The following KRABD2 variants were observed in gnomAD, a reference collection of about 807,000 sequenced individuals.
The protein encoded by KRABD2 is KRAB domain-containing protein 2.
the KRABD2 span, chr17:8,375,817 T>TCA: frequency 3.1e-6 from 3 of 969,210 alleles, no homozygotes; most frequent in Non-Finnish European, 4.0e-6. Flanking sequence ...CTTGGTGTGA[T>TCA]CTATGTGACG....
the KRABD2 span, chr17:8,369,849 GT>G: frequency 1.2e-6 from 2 of 1,614,192 alleles, no homozygotes; most frequent in South Asian, 2.2e-5. Context: ...GTCCTTAAAA[GT>G]CATGGGCTTT....
the KRABD2 span, among the ~76,000 whole-genome samples, chr17:8,360,771 A>G: frequency 6.6e-6 from 1 of 152,214 alleles, no homozygotes; most frequent in Non-Finnish European, 1.5e-5. Context: ...CAAACAAAAC[A>G]AAAAACCTTT....
the KRABD2 span, among the ~76,000 whole-genome samples, chr17:8,367,870 C>T: frequency 6.7e-6 from 1 of 150,364 alleles, no homozygotes; most frequent in South Asian, 2.1e-4. Context: ...ACCTTCCCTC[C>T]ACTATTGTCC....
the KRABD2 span, chr17:8,376,055 T>C: frequency 4.9e-5 from 60 of 1,231,664 alleles, no homozygotes; most frequent in East Asian, 3.2e-5. Context: ...CCACACTCAC[T>C]GGAGCACTTC....
At chr17:8,374,538 T>A in the KRABD2 span, among the ~76,000 whole-genome samples, 1 of 149,962 alleles carries the variant, frequency 6.7e-6, no homozygotes, top group Non-Finnish European at 1.5e-5. Context: ...CTTGTTCACA[T>A]GTTTATCTGC....
the KRABD2 span, among the ~76,000 whole-genome samples, chr17:8,374,043 G>T: frequency 6.0e-3 from 916 of 151,750 alleles, 12 homozygotes; most frequent in Middle Eastern, 0.031. Context: ...GGAGGGAGGT[G>T]GGGGGCAGCC....
At chr17:8,362,186 C>T in the KRABD2 span, among the ~76,000 whole-genome samples, 15 of 152,084 alleles carry the variant, frequency 9.9e-5, no homozygotes, top group South Asian at 6.2e-4. This position sits in a 1 kb window ranked among gnomAD's most constrained non-coding sequence, Gnocchi z 4.2. Context: ...ACAAAATAGC[C>T]GGGCGTGTTG....
chr17:8,373,376 G>A, the KRABD2 span: 17 of 162,990 alleles, frequency 1.0e-4, no homozygotes, highest in South Asian at 6.5e-4. Context: ...GGGTTTCGCC[G>A]TGTTGGCCGG....
chr17:8,364,732 T>TA, the KRABD2 span, among the ~76,000 whole-genome samples: 93 of 147,750 alleles, frequency 6.3e-4, no homozygotes, highest in Non-Finnish European at 9.8e-4. This position sits in a 1 kb window ranked among gnomAD's most constrained non-coding sequence, Gnocchi z 4.4. Flanking sequence ...GGCAATTAAT[T>TA]AAAAAAAAAA....
the KRABD2 span, chr17:8,370,388 T>C: frequency 6.5e-7 from 1 of 1,537,074 alleles, no homozygotes; most frequent in East Asian, 2.3e-5. Flanking sequence ...AGAAGGATCC[T>C]AAGAAAGGAA....
At chr17:8,370,760 C>T in the KRABD2 span, among the ~76,000 whole-genome samples, 1 of 152,164 alleles carries the variant, frequency 6.6e-6, no homozygotes, top group Non-Finnish European at 1.5e-5. Context: ...CCCTCAGTAC[C>T]CTTTAAAATA....
At chr17:8,371,647 C>T in the KRABD2 span, 3 of 1,417,658 alleles carry the variant, frequency 2.1e-6, no homozygotes, top group Non-Finnish European at 2.8e-6. Context: ...AGGAGTTTTG[C>T]TTTCCTGGGA....
the KRABD2 span, chr17:8,370,039 C>T: frequency 6.2e-7 from 1 of 1,614,156 alleles, no homozygotes; most frequent in Non-Finnish European, 8.5e-7. Flanking sequence ...TCAAACAACT[C>T]TTCCTTATGT....
At chr17:8,375,865 A>C in the KRABD2 span, 1 of 1,223,368 alleles carries the variant, frequency 8.2e-7, no homozygotes, top group Non-Finnish European at 1.0e-6. Context: ...AAAACTGGAA[A>C]TATTTCCAAA....
the KRABD2 span, chr17:8,371,628 A>G: frequency 7.0e-7 from 1 of 1,435,306 alleles, no homozygotes; most frequent in South Asian, 1.6e-5. Context: ...AGCTTCATGG[A>G]TGAGGGAAAG....
At chr17:8,369,555 T>C in the KRABD2 span, 2 of 1,614,104 alleles carry the variant, frequency 1.2e-6, no homozygotes, top group Non-Finnish European at 1.7e-6. Context: ...TTGGCCAGGG[T>C]GGTACTTACC....
At chr17:8,374,646 A>T in the KRABD2 span, among the ~76,000 whole-genome samples, 1 of 150,600 alleles carries the variant, frequency 6.6e-6, no homozygotes, top group Non-Finnish European at 1.5e-5. Flanking sequence ...AAAAAAAAAA[A>T]AAAAAAATTG....
chr17:8,360,964 C>T, the KRABD2 span, among the ~76,000 whole-genome samples: 1 of 152,090 alleles, frequency 6.6e-6, no homozygotes, highest in Non-Finnish European at 1.5e-5. Flanking sequence ...CTGAGCTTCT[C>T]GGTTGCCTCC....
the KRABD2 span, chr17:8,376,473 G>T: frequency 3.0e-6 from 3 of 1,014,704 alleles, no homozygotes; most frequent in Non-Finnish European, 3.5e-6. Context: ...TATTCCTGAG[G>T]ACCGGGCTGG....
Sources: gnomAD v4.1 joint callset for allele counts (sites outside exome capture counted in the v4.1 genomes callset) on GRCh38, gnomAD v4.1.1 for gene constraint, Gnocchi (gnomAD v3.1) non-coding constraint, MANE v1.5 for transcripts, NCBI Gene and HGNC (gene_info 2026-07-23, HGNC 2026-07-21) for gene names.